CNTNAP5: variants seen among roughly 807,000 people sequenced by gnomAD.
The protein encoded by CNTNAP5 is contactin-associated protein-like 5.
In CNTNAP5, 72 loss-of-function variants were observed where a neutral mutation model predicts 150.2. The ratio of observed to expected loss-of-function variants is 0.48; its 90% CI spans 0.40 to 0.58. The LOEUF (loss-of-function observed/expected upper bound fraction) is 0.58. Among genes scored for constraint, CNTNAP5 ranks in the 20% least tolerant of loss-of-function variants. The pLI is 0.00. For missense variants in CNTNAP5, 1,636 were observed against 1,626.2 expected, an observed-to-expected ratio of 1.01 and a Z score of -0.10; for synonymous variants, 672 against 619.8, an observed-to-expected ratio of 1.08 and a Z score of -1.25.
chr2:124,901,734 T>C (rs1323348197), intron 21 of CNTNAP5, among the ~76,000 whole-genome samples: 1 of 152,172 alleles, frequency 6.6e-6, no homozygotes, highest in African/African-American at 2.4e-5. Context: ...CAATACACGA[T>C]TTGATTTTTT....
intron 1 of CNTNAP5, among the ~76,000 whole-genome samples, chr2:124,159,193 GT>G (rs1684615776): frequency 6.6e-6 from 1 of 152,156 alleles, no homozygotes; most frequent in Admixed American, 6.5e-5. Context: ...AGTTGTTTTG[GT>G]TGTTTCTTTT....
At chr2:124,862,302 G>A (rs1214983608) in intron 19 of CNTNAP5, among the ~76,000 whole-genome samples, 1 of 152,128 alleles carries the variant, frequency 6.6e-6, no homozygotes, top group East Asian at 1.9e-4. Flanking sequence ...ATGCATTACA[G>A]CATGTCAGAG....
intron 13 of CNTNAP5, 26 bp downstream of exon 13, chr2:124,647,984 A>T: frequency 6.4e-7 from 1 of 1,565,694 alleles, no homozygotes; most frequent in African/African-American, 1.4e-5. Flanking sequence ...GCATGACCAC[A>T]GTGGGATAGA....
intron 6 of CNTNAP5, among the ~76,000 whole-genome samples, chr2:124,447,580 C>G (rs1692852329): frequency 6.6e-6 from 1 of 152,170 alleles, no homozygotes; most frequent in Non-Finnish European, 1.5e-5. Context: ...CATAAATGTC[C>G]AGTCTCTGAG....
chr2:124,911,634 C>T, intron 23 of CNTNAP5, 96 bp downstream of exon 23: 1 of 920,674 alleles, frequency 1.1e-6, no homozygotes, highest in Non-Finnish European at 1.7e-6. Flanking sequence ...GGCCATCCAG[C>T]ACTCAGAGCC....
At chr2:124,111,528 G>A (rs1454181540) in intron 1 of CNTNAP5, among the ~76,000 whole-genome samples, 2 of 152,020 alleles carry the variant, frequency 1.3e-5, no homozygotes, top group African/African-American at 4.8e-5. Context: ...TAAAATTATT[G>A]ATCTCTCCTC....
At chr2:124,661,122 T>C (rs1415182558) in intron 13 of CNTNAP5, among the ~76,000 whole-genome samples, 1 of 152,126 alleles carries the variant, frequency 6.6e-6, no homozygotes, top group Non-Finnish European at 1.5e-5. Context: ...TTATAAACAC[T>C]GCACACTTAG....
intron 3 of CNTNAP5, among the ~76,000 whole-genome samples, chr2:124,347,184 GA>G (rs1360081169): frequency 2.4e-4 from 36 of 152,294 alleles, no homozygotes; most frequent in African/African-American, 8.7e-4. Flanking sequence ...GTGGCAATAG[GA>G]AACTAATAGA....
intron 11 of CNTNAP5, among the ~76,000 whole-genome samples, chr2:124,587,806 A>G (rs1436368513): frequency 6.6e-6 from 1 of 152,188 alleles, no homozygotes; most frequent in Non-Finnish European, 1.5e-5. Context: ...ATTATTGAAT[A>G]AGTGAGTTGG....
At position 124,055,751 on chromosome 2, in the gene CNTNAP5, G is replaced by A. The variant is rs148253779; in HGVS notation, c.82+30019G>A. The stretch of plus-strand genomic sequence containing the variant: ...GGATTACTCCAACTTTCATTTCCTC[G>A]TGTTTAAGCCCTTCTTTTTAGCACC... On this transcript the variant is annotated intron_variant, in intron 1 of 23. Transcript: ENST00000682447. Among the ~76,000 whole-genome samples the A allele has an allele frequency of 2.3e-4, 35 of 152,182 alleles. 1 individual carries two copies. In the East Asian group the frequency reaches 5.4e-3, roughly 24 times the overall value.
At chr2:124,851,180 C>G (rs941862308) in intron 19 of CNTNAP5, among the ~76,000 whole-genome samples, 1 of 152,078 alleles carries the variant, frequency 6.6e-6, no homozygotes, top group East Asian at 1.9e-4. Flanking sequence ...GCCTGGCCAA[C>G]ATGGTGAAAC....
At chr2:124,776,643 A>C (rs1681330745) in intron 17 of CNTNAP5, among the ~76,000 whole-genome samples, 1 of 152,188 alleles carries the variant, frequency 6.6e-6, no homozygotes, top group Non-Finnish European at 1.5e-5. Flanking sequence ...TGAGTGCCTC[A>C]TGAAGATAGC....
At position 124,196,476 on chromosome 2, in the gene CNTNAP5, C is replaced by T. The variant is rs148861103; in HGVS notation, c.83-25229C>T. ...CAGGAATAACATGGTATAGTTTGTA[C>T]GATTAGCAATTCCTAATTATTGTTG... On this transcript the variant is annotated intron_variant, in intron 1 of 23. Transcript: ENST00000682447. 6.6e-5 allele frequency among the ~76,000 whole-genome samples: 10 copies of T among 152,278 alleles called. No homozygotes were observed. In the East Asian group the frequency reaches 7.7e-4, roughly 12 times the overall value.
intron 1 of CNTNAP5, among the ~76,000 whole-genome samples, chr2:124,197,276 T>C (rs2104703520): frequency 6.6e-6 from 1 of 152,298 alleles, no homozygotes; most frequent in South Asian, 2.1e-4. Context: ...GTGTTATTAA[T>C]CCTTTGATTT....
At chr2:124,306,261 C>G (rs1449112985) in intron 3 of CNTNAP5, among the ~76,000 whole-genome samples, 1 of 152,124 alleles carries the variant, frequency 6.6e-6, no homozygotes, top group Non-Finnish European at 1.5e-5. Context: ...CCAGTCGCTC[C>G]CACCCTCTCA....
chr2:124,643,580 C>T (rs530700667), intron 12 of CNTNAP5, among the ~76,000 whole-genome samples: 2 of 152,272 alleles, frequency 1.3e-5, no homozygotes, highest in South Asian at 4.1e-4. Flanking sequence ...TTGTTAACCT[C>T]ATTTGCAGAG....
chr2:124,834,140 G>A (rs879709927), intron 19 of CNTNAP5, among the ~76,000 whole-genome samples: 7 of 152,138 alleles, frequency 4.6e-5, no homozygotes, highest in African/African-American at 9.7e-5. Flanking sequence ...TTGAGGAAGA[G>A]CAGTTTTAAA....
intron 1 of CNTNAP5, among the ~76,000 whole-genome samples, chr2:124,040,926 A>G (rs1573710979): frequency 6.6e-6 from 1 of 152,164 alleles, no homozygotes; most frequent in Admixed American, 6.5e-5. Flanking sequence ...ATGCTTTTCT[A>G]TACAAATATT....
Position 124,864,655 on chromosome 2 carries a change from T to A in CNTNAP5, c.3218-651T>A, listed in dbSNP as rs868740104. On this transcript the variant is annotated intron_variant, in intron 19 of 23. Coordinates refer to ENST00000682447, the MANE Select transcript of CNTNAP5 (RefSeq NM_001367498.1). ...TCCTGGGAGTCTCATATGTCTAAAT[T>A]CTGTTTCATTTTGTAAGAAATGCTG... 2.0e-5 allele frequency among the ~76,000 whole-genome samples: 3 copies of A among 152,116 alleles called. No homozygotes were observed. The South Asian group carries it at 6.2e-4, about 32-fold the overall frequency.
Sources: gnomAD v4.1 joint callset for allele counts (sites outside exome capture counted in the v4.1 genomes callset) on GRCh38, gnomAD v4.1.1 for gene constraint, MANE v1.5 for transcripts, NCBI Gene and HGNC (gene_info 2026-07-23, HGNC 2026-07-21) for gene names.